The following POFUT3 variants were observed in gnomAD, a reference collection of about 807,000 sequenced individuals.
POFUT3 encodes GDP-fucose protein O-fucosyltransferase 3.
At chr8:33,440,350 A>G in the POFUT3 span, among the ~76,000 whole-genome samples, 2 of 152,246 alleles carry the variant, frequency 1.3e-5, no homozygotes, top group Admixed American at 6.6e-5. Flanking sequence ...CAACTGAGCA[A>G]GACCCTCTCT....
chr8:33,324,495 A>G, the POFUT3 span, among the ~76,000 whole-genome samples: 4 of 152,054 alleles, frequency 2.6e-5, no homozygotes, highest in East Asian at 7.7e-4. Flanking sequence ...CCAAAACCCT[A>G]CTCTATATCT....
the POFUT3 span, among the ~76,000 whole-genome samples, chr8:33,332,885 A>G: frequency 6.6e-6 from 1 of 152,094 alleles, no homozygotes; most frequent in South Asian, 2.1e-4. Context: ...CCCATGGCCA[A>G]TGGTGCCCTC....
the POFUT3 span, among the ~76,000 whole-genome samples, chr8:33,329,444 T>C: frequency 6.6e-6 from 1 of 152,258 alleles, no homozygotes; most frequent in South Asian, 2.1e-4. Flanking sequence ...GTTACCTTTA[T>C]GCAGGAGCTG....
chr8:33,456,093 G>C, the POFUT3 span, among the ~76,000 whole-genome samples: 6 of 152,124 alleles, frequency 3.9e-5, no homozygotes, highest in African/African-American at 1.4e-4. Flanking sequence ...GGAACAATGT[G>C]GCTCTCCCCA....
the POFUT3 span, among the ~76,000 whole-genome samples, chr8:33,438,212 C>A: frequency 6.6e-6 from 1 of 152,136 alleles, no homozygotes; most frequent in Admixed American, 6.6e-5. Context: ...AATAAATAAG[C>A]ACAGTTAATT....
At chr8:33,406,593 G>A in the POFUT3 span, among the ~76,000 whole-genome samples, 2 of 151,840 alleles carry the variant, frequency 1.3e-5, no homozygotes, top group African/African-American at 4.8e-5. Context: ...TATCACGCCT[G>A]GCTAATTTTT....
At chr8:33,428,742 G>C in the POFUT3 span, among the ~76,000 whole-genome samples, 1 of 152,200 alleles carries the variant, frequency 6.6e-6, no homozygotes, top group South Asian at 2.1e-4. Context: ...ATGATAAAAG[G>C]GTTTGAGACT....
At chr8:33,379,843 AAAAAT>A in the POFUT3 span, among the ~76,000 whole-genome samples, 1 of 42,498 alleles carries the variant, frequency 2.4e-5, no homozygotes, top group African/African-American at 5.9e-5. Context: ...CTAAAAAAAA[AAAAAT>A]ATATATATAT....
chr8:33,429,638 G>T, the POFUT3 span, among the ~76,000 whole-genome samples: 2 of 151,930 alleles, frequency 1.3e-5, no homozygotes, highest in Admixed American at 6.6e-5. Context: ...AGGAAGAAAA[G>T]GTACAGGAGG....
chr8:33,445,573 A>G, the POFUT3 span, among the ~76,000 whole-genome samples: 3 of 152,174 alleles, frequency 2.0e-5, no homozygotes, highest in Admixed American at 6.5e-5. Context: ...TGGTGATATA[A>G]TCATGTTGGA....
chr8:33,401,982 C>A, the POFUT3 span, among the ~76,000 whole-genome samples: 9 of 151,854 alleles, frequency 5.9e-5, no homozygotes, highest in Non-Finnish European at 1.3e-4. Flanking sequence ...GCCGAGATCA[C>A]GCCACCGCAC....
the POFUT3 span, chr8:33,388,909 A>C: frequency 7.4e-7 from 1 of 1,355,602 alleles, no homozygotes; most frequent in African/African-American, 1.4e-5. Context: ...AGGAGAGCAG[A>C]GAACATCAAG....
chr8:33,438,264 T>C, the POFUT3 span, among the ~76,000 whole-genome samples: 1 of 151,570 alleles, frequency 6.6e-6, no homozygotes, highest in Non-Finnish European at 1.5e-5. Flanking sequence ...TGAAAACAGA[T>C]ACCACTAAGC....
chr8:33,330,895 C>T, the POFUT3 span, among the ~76,000 whole-genome samples: 1 of 152,116 alleles, frequency 6.6e-6, no homozygotes, highest in Non-Finnish European at 1.5e-5. Flanking sequence ...AATTGGGCTT[C>T]CCAACCTGGT....
the POFUT3 span, among the ~76,000 whole-genome samples, chr8:33,380,017 A>ATATATATACTATATATATACAC: frequency 2.0e-5 from 1 of 50,456 alleles, no homozygotes; most frequent in African/African-American, 9.8e-5. Context: ...TATATATAGT[A>ATATATATACTATATATATACAC]TATATATATA....
chr8:33,472,733 G>A, the POFUT3 span, among the ~76,000 whole-genome samples: 1 of 152,190 alleles, frequency 6.6e-6, no homozygotes, highest in African/African-American at 2.4e-5. Flanking sequence ...GGAGGCGCCG[G>A]GACCCCGCGC....
the POFUT3 span, among the ~76,000 whole-genome samples, chr8:33,386,426 C>A: frequency 6.6e-6 from 1 of 152,118 alleles, no homozygotes; most frequent in Non-Finnish European, 1.5e-5. Flanking sequence ...AGAAGGACAT[C>A]CAATCATACT....
chr8:33,317,115 T>C, the POFUT3 span, among the ~76,000 whole-genome samples: 1 of 152,080 alleles, frequency 6.6e-6, no homozygotes, highest in African/African-American at 2.4e-5. Context: ...GACAAATAAA[T>C]GAGCAACCTG....
chr8:33,405,600 A>C, the POFUT3 span, among the ~76,000 whole-genome samples: 3 of 152,226 alleles, frequency 2.0e-5, no homozygotes, highest in African/African-American at 7.2e-5. Context: ...GGTATGAAAG[A>C]GATCTTTTAG....
Sources: allele counts gnomAD v4.1 joint callset (sites outside exome capture counted in the v4.1 genomes callset), GRCh38; gene constraint gnomAD v4.1.1; transcripts MANE v1.5; gene names NCBI Gene and HGNC (gene_info 2026-07-23, HGNC 2026-07-21).